Variants in TMEFF2 observed in about 807,000 individuals in gnomAD.
TMEFF2 encodes transmembrane protein with EGF like and two follistatin like domains 2, also known as tomoregulin-2.
TMEFF2 carries 28 observed loss-of-function variants against 53.8 expected under a neutral mutation model. The ratio of observed to expected loss-of-function variants is 0.52; its 90% CI spans 0.39 to 0.71. The LOEUF is 0.71. Among genes scored for constraint, TMEFF2 ranks in the 30% least tolerant of loss-of-function variants. The pLI is 0.00. For missense variants in TMEFF2, 353 were observed against 455.2 expected (o/e 0.78, Z 2.04); for synonymous variants, 162 against 166.3 (o/e 0.97, Z 0.20).
chr2:192,082,678 C>T (rs1688579866), intron 4 of TMEFF2, among the ~76,000 whole-genome samples: 1 of 152,136 alleles, frequency 6.6e-6, no homozygotes. Context: ...TATTTACTTA[C>T]TGGGATTCTA....
chr2:191,957,988 G>A (rs1473245719), intron 7 of TMEFF2, among the ~76,000 whole-genome samples: 2 of 152,164 alleles, frequency 1.3e-5, no homozygotes, highest in East Asian at 3.8e-4. Context: ...TAATGTTTTT[G>A]GTAGCAAGTG....
At chr2:191,965,117 A>G (rs1265580745) in intron 7 of TMEFF2, among the ~76,000 whole-genome samples, 2 of 152,076 alleles carry the variant, frequency 1.3e-5, no homozygotes, top group African/African-American at 4.8e-5. Context: ...CCAAATATTG[A>G]TTAGTCAGCC....
chr2:192,137,196 G>GATGA (rs1452208346), intron 4 of TMEFF2, among the ~76,000 whole-genome samples: 3 of 152,172 alleles, frequency 2.0e-5, no homozygotes, highest in African/African-American at 4.8e-5. Flanking sequence ...GAGGAGGCAA[G>GATGA]ATGAATGACA....
chr2:192,191,150 C>T (rs1691451679), intron 2 of TMEFF2, among the ~76,000 whole-genome samples: 1 of 152,102 alleles, frequency 6.6e-6, no homozygotes, highest in Admixed American at 6.5e-5. Flanking sequence ...ATACTAATGA[C>T]ACTAAAAGTT....
intron 5 of TMEFF2, among the ~76,000 whole-genome samples, chr2:192,002,038 T>A (rs200020480): frequency 2.0e-4 from 30 of 148,258 alleles, no homozygotes; most frequent in Middle Eastern, 3.5e-3. Flanking sequence ...TTATTTATTA[T>A]TTTTCAGTTT....
At chr2:191,966,634 A>G (rs1692480279) in intron 7 of TMEFF2, among the ~76,000 whole-genome samples, 1 of 152,228 alleles carries the variant, frequency 6.6e-6, no homozygotes, top group Non-Finnish European at 1.5e-5. Context: ...TTTATTTAAA[A>G]AAGCAAAACA....
intron 5 of TMEFF2, among the ~76,000 whole-genome samples, chr2:192,050,585 T>C (rs1368965451): frequency 6.6e-6 from 1 of 152,170 alleles, no homozygotes; most frequent in African/African-American, 2.4e-5. Flanking sequence ...TGAGTAACAT[T>C]TGAAGCTTTT....
At chr2:192,150,880 A>G (rs1317551496) in intron 4 of TMEFF2, among the ~76,000 whole-genome samples, 1 of 151,756 alleles carries the variant, frequency 6.6e-6, no homozygotes. Context: ...CACACATTTC[A>G]TATGAGTTTT....
intron 7 of TMEFF2, among the ~76,000 whole-genome samples, chr2:191,966,762 T>C (rs987619601): frequency 2.0e-5 from 3 of 152,242 alleles, no homozygotes; most frequent in African/African-American, 7.2e-5. Context: ...TACTTAAAAG[T>C]ATTTTATGGT....
chr2:192,036,812 C>G (rs906397430), intron 5 of TMEFF2: 1 of 152,202 alleles, frequency 6.6e-6, no homozygotes. Context: ...ATAGCTGGCT[C>G]TCGCTATTTG....
chr2:192,161,134 G>A (rs912596673), intron 4 of TMEFF2, among the ~76,000 whole-genome samples: 2 of 151,982 alleles, frequency 1.3e-5, no homozygotes, highest in East Asian at 2.0e-4. Flanking sequence ...GCATACCAGC[G>A]TCCAAGCAGA....
chr2:191,968,508 T>C (rs1692531946), intron 7 of TMEFF2, among the ~76,000 whole-genome samples: 1 of 152,206 alleles, frequency 6.6e-6, no homozygotes, highest in Non-Finnish European at 1.5e-5. Flanking sequence ...TGCTTCTAAA[T>C]TGCAGGCCTT....
intron 1 of TMEFF2, among the ~76,000 whole-genome samples, chr2:192,193,157 T>C (rs991374314): frequency 6.6e-5 from 10 of 152,210 alleles, no homozygotes; most frequent in Non-Finnish European, 1.2e-4. Context: ...TCAGCTTATA[T>C]ACATCTTTGA....
At chr2:192,060,568 G>A (rs1040656336) in intron 4 of TMEFF2, among the ~76,000 whole-genome samples, 11 of 152,074 alleles carry the variant, frequency 7.2e-5, no homozygotes, top group African/African-American at 2.4e-4. Flanking sequence ...ACATATGTAC[G>A]TACATGCAGG....
chr2:191,963,155 T>C (rs977089502), intron 7 of TMEFF2, among the ~76,000 whole-genome samples: 2 of 152,138 alleles, frequency 1.3e-5, no homozygotes, highest in Non-Finnish European at 1.5e-5. Context: ...GCTCTCCCCA[T>C]TGAGTTTTCC....
chr2:191,967,649 C>A (rs1692507547), intron 7 of TMEFF2, among the ~76,000 whole-genome samples: 1 of 152,064 alleles, frequency 6.6e-6, no homozygotes, highest in Non-Finnish European at 1.5e-5. Context: ...TTTTTTCTTA[C>A]CTCTCGCAGG....
chr2:192,110,922 A>G (rs1228445828), intron 4 of TMEFF2, among the ~76,000 whole-genome samples: 3 of 152,106 alleles, frequency 2.0e-5, no homozygotes, highest in Non-Finnish European at 4.4e-5. Context: ...ATGGTTTTAT[A>G]AGGGGAAGCC....
intron 4 of TMEFF2, among the ~76,000 whole-genome samples, chr2:192,167,767 C>T (rs934748100): frequency 6.6e-6 from 1 of 152,078 alleles, no homozygotes; most frequent in African/African-American, 2.4e-5. Context: ...AACAGAATCA[C>T]TTTGCAGGTT....
chr2:192,133,858 C>T (rs963274319), intron 4 of TMEFF2, among the ~76,000 whole-genome samples: 9 of 152,222 alleles, frequency 5.9e-5, no homozygotes, highest in African/African-American at 1.2e-4. Context: ...GCATAATTCT[C>T]GTAAAAACAC....
Sources: allele counts gnomAD v4.1 joint callset (sites outside exome capture counted in the v4.1 genomes callset), GRCh38; gene constraint gnomAD v4.1.1; transcripts MANE v1.5; gene names NCBI Gene and HGNC (gene_info 2026-07-23, HGNC 2026-07-21).